The following RNF38 variants were observed in gnomAD, a reference collection of about 807,000 sequenced individuals.
RNF38 encodes the protein ring finger protein 38.
Under a neutral mutation model 67.2 loss-of-function variants are expected in RNF38, and 15 were observed. The ratio of observed to expected loss-of-function variants is 0.22; its 90% CI spans 0.15 to 0.34. RNF38 has a LOEUF of 0.34. Ranked by LOEUF, RNF38 falls within the 10% of genes least tolerant of loss-of-function variation. The probability of loss-of-function intolerance (pLI) is 1.00; values close to 1 mark genes in which losing one functional copy is unlikely to be tolerated. For synonymous variants in RNF38, 220 were observed against 218.8 expected (o/e 1.01, Z -0.05); for missense variants, 524 against 639.9 (o/e 0.82, Z 1.95).
At chr9:36,346,070 T>C (rs1259322909) in intron 9 of RNF38, among the ~76,000 whole-genome samples, 1 of 152,236 alleles carries the variant, frequency 6.6e-6, no homozygotes, top group Non-Finnish European at 1.5e-5. Context: ...CTTCATTTAT[T>C]AGAATACCTC....
Position 36,397,071 on chromosome 9 carries a change from A to ATGTG in RNF38, c.12+3022_12+3025dup, listed in dbSNP as rs143606597. ...TACACATGTATATATACGTATATATATGTGTGTGTGTATATATATATATAT... is the reference window on the plus strand; with the variant it reads ...TACACATGTATATATACGTATATATATGTGTGTGTGTGTGTATATATATATATAT... On this transcript the variant is annotated intron_variant, in intron 1 of 11. Transcript: ENST00000259605. Among the ~76,000 whole-genome samples, 93 of 140,156 alleles carry ATGTG rather than the reference A, an allele frequency of 6.6e-4. 1 individual carries two copies. The highest frequency in any genetic ancestry group is 1.0e-3 in the East Asian group (5 of 4,900). The allele number at this position is 140,156 out of a possible 152,430, so 91.9% of individuals were successfully genotyped here.
intron 2 of RNF38, 65 bp downstream of exon 2, chr9:36,390,402 T>C (rs540418053): frequency 2.2e-6 from 3 of 1,393,470 alleles, no homozygotes; most frequent in South Asian, 3.1e-5. Flanking sequence ...GTTTCAAGCC[T>C]TCCTAGAAAC....
upstream of RNF38, among the ~76,000 whole-genome samples, chr9:36,404,401 T>C (rs1488168770): frequency 6.6e-6 from 1 of 152,214 alleles, no homozygotes; most frequent in African/African-American, 2.4e-5. Flanking sequence ...CTCTGGCCTT[T>C]TAAATTTCCA....
At chr9:36,407,185 A>G (rs1838203450) in intron 2 of RNF38, among the ~76,000 whole-genome samples, 1 of 152,242 alleles carries the variant, frequency 6.6e-6, no homozygotes, top group Non-Finnish European at 1.5e-5. Flanking sequence ...AGAAAAAGTT[A>G]ATTAGTAGCA....
intron 2 of RNF38, among the ~76,000 whole-genome samples, chr9:36,385,292 C>A (rs1836522829): frequency 6.6e-6 from 1 of 152,006 alleles, no homozygotes; most frequent in Non-Finnish European, 1.5e-5. Flanking sequence ...CAAGAAGTAG[C>A]TCCAAAGCAC....
At chr9:36,369,567 T>G (rs1835221798) in intron 4 of RNF38, 152 bp downstream of exon 4, 1 of 656,200 alleles carries the variant, frequency 1.5e-6, no homozygotes, top group African/African-American at 1.8e-5. Flanking sequence ...GTGTAGAATT[T>G]AAATCTCAAT....
intron 2 of RNF38, among the ~76,000 whole-genome samples, chr9:36,416,725 C>CTTG (rs893346767): frequency 7.1e-6 from 1 of 140,358 alleles, no homozygotes; most frequent in Non-Finnish European, 1.5e-5. Context: ...AGGGCTCCTT[C>CTTG]TTGCTGCTGC....
At chr9:36,412,851 T>A (rs1838361075) in intron 2 of RNF38, among the ~76,000 whole-genome samples, 1 of 152,172 alleles carries the variant, frequency 6.6e-6, no homozygotes, top group Non-Finnish European at 1.5e-5. Flanking sequence ...GGCGGGTGGA[T>A]CACCTGAGGT....
intron 2 of RNF38, among the ~76,000 whole-genome samples, chr9:36,407,871 G>C (rs967993301): frequency 1.3e-5 from 2 of 152,106 alleles, no homozygotes; most frequent in Admixed American, 6.5e-5. Flanking sequence ...TTCTTTCTTT[G>C]TTAGGGAGGA....
chr9:36,422,775 CT>C (rs1222532538), intron 2 of RNF38, among the ~76,000 whole-genome samples: 1 of 152,150 alleles, frequency 6.6e-6, no homozygotes, highest in African/African-American at 2.4e-5. Flanking sequence ...CTTCTCTTCC[CT>C]TTTTTCCCCC....
chr9:36,388,093 T>C (rs937242685), intron 2 of RNF38, among the ~76,000 whole-genome samples: 1 of 152,104 alleles, frequency 6.6e-6, no homozygotes, highest in African/African-American at 2.4e-5. Context: ...TTAAACAGTA[T>C]AATATCAAGG....
rs200563717 is a variant in RNF38 at position 36,438,987 on chromosome 9, TAGA to T, written n.242-14307_242-14305del. On this transcript the variant is annotated intron_variant and non_coding_transcript_variant, in intron 1 of 3. Transcript: ENST00000488058. ...TTAAGTGCTCTCTACTCTCACAAAC[TAGA>T]AGAAGAGGTTAAAATAAGCCACAGG... 1.3e-3 allele frequency among the ~76,000 whole-genome samples: 190 copies of T among 146,276 alleles called. 2 individuals carry two copies. In the East Asian group the frequency reaches 0.029, roughly 22 times the overall value.
chr9:36,445,728 C>T (rs754014979), intron 1 of RNF38, among the ~76,000 whole-genome samples: 3 of 152,190 alleles, frequency 2.0e-5, no homozygotes, highest in Non-Finnish European at 4.4e-5. Context: ...GCCGACAACT[C>T]CTTACTCCAG....
chr9:36,477,715 G>A (rs1044764276), intron 1 of RNF38, among the ~76,000 whole-genome samples: 1 of 151,190 alleles, frequency 6.6e-6, no homozygotes, highest in African/African-American at 2.4e-5. Flanking sequence ...CCCAGCTACA[G>A]GGAGGCTGAG....
intron 1 of RNF38, among the ~76,000 whole-genome samples, chr9:36,475,608 T>G (rs1030552411): frequency 1.3e-5 from 2 of 151,442 alleles, no homozygotes; most frequent in African/African-American, 4.8e-5. Context: ...ATCCGCCACC[T>G]TGGCCTCCCA....
rs1489391236 is a variant in RNF38 at position 36,362,950 on chromosome 9, T to C, written c.571-5008A>G. On this transcript the variant is annotated intron_variant, in intron 4 of 11. Coordinates refer to ENST00000259605, the MANE Select transcript of RNF38 (RefSeq NM_022781.5). ...CCCGGCCCTAATCTGTTTTTCTTTA[T>C]GGTTGAACCACTGAAGCTTGAACCC... Among the ~76,000 whole-genome samples the C allele has an allele frequency of 9.3e-5, 6 of 64,332 alleles. 2 individuals are homozygous for C. The highest frequency in any genetic ancestry group is 1.7e-4 in the African/African-American group (4 of 23,926). The allele number at this position is 64,332 out of a possible 152,430, so 42.2% of individuals were successfully genotyped here.
chr9:36,400,382 G>A (rs570793403), upstream of RNF38: 196 of 1,170,238 alleles, frequency 1.7e-4, 1 homozygote, highest in Middle Eastern at 1.3e-3. Context: ...CCGGGCAGCG[G>A]GCCGGCGGCT....
At chr9:36,389,520 A>G (rs990841241) in intron 2 of RNF38, among the ~76,000 whole-genome samples, 4 of 152,220 alleles carry the variant, frequency 2.6e-5, no homozygotes, top group Non-Finnish European at 5.9e-5. Flanking sequence ...CTGTTTCCAC[A>G]TCTTAAAAAC....
chr9:36,403,962 T>C (rs934216790), upstream of RNF38, among the ~76,000 whole-genome samples: 3 of 152,256 alleles, frequency 2.0e-5, no homozygotes, highest in Non-Finnish European at 4.4e-5. Context: ...TAAATCTTTA[T>C]AGTTAATGGT....
Sources: gnomAD v4.1 joint callset for allele counts (sites outside exome capture counted in the v4.1 genomes callset) on GRCh38, gnomAD v4.1.1 for gene constraint, MANE v1.5 for transcripts, NCBI Gene and HGNC (gene_info 2026-07-23, HGNC 2026-07-21) for gene names.